The following RBKS variants were observed in gnomAD, a reference collection of about 807,000 sequenced individuals.
RBKS encodes the protein ribokinase.
Under a neutral mutation model 33.9 loss-of-function variants are expected in RBKS, and 33 were observed. That is an observed-to-expected ratio of 0.97 (90% CI 0.74 to 1.30). The LOEUF (loss-of-function observed/expected upper bound fraction) is 1.30. Ranked by LOEUF, RBKS falls within the 50% of genes most tolerant of loss-of-function variation. The pLI, the probability that RBKS is intolerant of heterozygous loss-of-function variation, is 0.00. For missense variants in RBKS, 361 were observed against 392.6 expected (o/e 0.92, Z 0.68); for synonymous variants, 125 against 143.0 (o/e 0.87, Z 0.90).
chr2:27,788,490 G>T (rs1317826183), intron 7 of RBKS, among the ~76,000 whole-genome samples: 1 of 152,152 alleles, frequency 6.6e-6, no homozygotes, highest in African/African-American at 2.4e-5. Flanking sequence ...TGGATAACAA[G>T]GTCAGGAGAT....
chr2:27,826,167 A>G (rs1346543680), intron 7 of RBKS, among the ~76,000 whole-genome samples: 1 of 152,248 alleles, frequency 6.6e-6, no homozygotes, highest in Non-Finnish European at 1.5e-5. Flanking sequence ...CATGTCACAT[A>G]ACCATTTCTT....
At chr2:27,819,352 T>C (rs1165248981) in intron 7 of RBKS, among the ~76,000 whole-genome samples, 4 of 152,140 alleles carry the variant, frequency 2.6e-5, no homozygotes, top group African/African-American at 9.7e-5. Flanking sequence ...CTACCCCTTA[T>C]GACCTCATTT....
Position 27,832,758 on chromosome 2 carries a change from T to A in RBKS, c.534A>T (p.Pro178=). 1 of 1,612,118 alleles carries A rather than the reference T, an allele frequency of 6.2e-7. No homozygotes were observed. The highest frequency in any genetic ancestry group is 8.5e-7 in the Non-Finnish European group (1 of 1,178,146). Residue 178 remains proline, a synonymous_variant, in exon 6 of 8, where the codon CCA becomes CCT. Transcript: ENST00000302188. Reference sequence around the variant, plus strand: ...GATCCAGGTCAGCAATGGCAGGGGCTGGATTGAACAAGGTTTTCACTACAA... The same window carrying A: ...GATCCAGGTCAGCAATGGCAGGGGCAGGATTGAACAAGGTTTTCACTACAA... ...RRSGVKTLFN[P]APAIADLDPQ...
chr2:27,794,232 G>C (rs1310864653), intron 7 of RBKS, among the ~76,000 whole-genome samples: 1 of 151,014 alleles, frequency 6.6e-6, no homozygotes, highest in Non-Finnish European at 1.5e-5. Context: ...GGGAGGTGGA[G>C]GTTGTGGTGA....
chr2:27,815,694 C>G (rs1678078279), intron 7 of RBKS, among the ~76,000 whole-genome samples: 1 of 152,132 alleles, frequency 6.6e-6, no homozygotes, highest in Non-Finnish European at 1.5e-5. Context: ...GTCTTAGAAG[C>G]TTAAGGAGGG....
chr2:27,813,216 G>A (rs1485673551), intron 7 of RBKS, among the ~76,000 whole-genome samples: 1 of 152,094 alleles, frequency 6.6e-6, no homozygotes, highest in Admixed American at 6.6e-5. Context: ...CACAGATCAA[G>A]TACCACTGAA....
chr2:27,785,428 T>C (rs1411856584), intron 7 of RBKS, among the ~76,000 whole-genome samples: 2 of 152,114 alleles, frequency 1.3e-5, no homozygotes, highest in East Asian at 1.9e-4. Context: ...GAAATGTATA[T>C]GGTAGGTAAT....
At chr2:27,790,423 A>G (rs1163121231) in intron 7 of RBKS, among the ~76,000 whole-genome samples, 1 of 152,228 alleles carries the variant, frequency 6.6e-6, no homozygotes, top group Non-Finnish European at 1.5e-5. Flanking sequence ...CAAAAGCACA[A>G]AGATTAAAAA....
At chr2:27,849,934 C>T in intron 2 of RBKS, among the ~76,000 whole-genome samples, 1 of 152,220 alleles carries the variant, frequency 6.6e-6, no homozygotes, top group East Asian at 1.9e-4. Context: ...CATCTCCCTA[C>T]TGTCCGTTTC....
Position 27,789,929 on chromosome 2 carries a change from A to G in RBKS, c.796-8141T>C, listed in dbSNP as rs527351179. On this transcript the variant is annotated intron_variant, in intron 7 of 7. Coordinates refer to ENST00000302188, the MANE Select transcript of RBKS (RefSeq NM_022128.3). ...TGTGTGTGTGTGTTTGTGTGTGTAT[A>G]TATATATATATGTATATGTGTATAT... 8.7e-3 allele frequency among the ~76,000 whole-genome samples: 1,176 copies of G among 135,046 alleles called. 19 individuals are homozygous for G. The highest frequency in any genetic ancestry group is 0.063 in the South Asian group (280 of 4,452). The allele number at this position is 135,046 out of a possible 152,430, so 88.6% of individuals were successfully genotyped here. A position where few individuals can be genotyped will look rare whatever the true frequency, so the allele number is the denominator to read the frequency against.
intron 1 of RBKS, among the ~76,000 whole-genome samples, chr2:27,864,745 C>CA (rs1664055266): frequency 6.6e-6 from 1 of 152,132 alleles, no homozygotes; most frequent in Non-Finnish European, 1.5e-5. Context: ...CAGTCCCCCA[C>CA]AAGGTTACAT....
At chr2:27,866,122 A>C (rs188289174) in intron 1 of RBKS, among the ~76,000 whole-genome samples, 3 of 152,176 alleles carry the variant, frequency 2.0e-5, no homozygotes, top group Admixed American at 2.0e-4. Flanking sequence ...TCTGGTGATA[A>C]ATTCTTTTAT....
intron 1 of RBKS, among the ~76,000 whole-genome samples, chr2:27,867,392 T>C (rs1664122733): frequency 6.6e-6 from 1 of 152,202 alleles, no homozygotes; most frequent in South Asian, 2.1e-4. Flanking sequence ...AAAAGTGCTA[T>C]GTATGACAGA....
At chr2:27,836,902 C>T (rs1375157927) in intron 5 of RBKS, among the ~76,000 whole-genome samples, 1 of 152,152 alleles carries the variant, frequency 6.6e-6, no homozygotes, top group African/African-American at 2.4e-5. Flanking sequence ...AACTACTCAT[C>T]GTTTCACTCA....
intron 4 of RBKS, 89 bp from the exon 5 acceptor site, chr2:27,843,320 A>C (rs1663554632): frequency 4.1e-6 from 4 of 966,894 alleles, no homozygotes. Flanking sequence ...CGCCCTTGTA[A>C]AGTCATTATA....
chr2:27,847,176 T>C, intron 3 of RBKS, 72 bp from the exon 4 acceptor site: 1 of 875,608 alleles, frequency 1.1e-6, no homozygotes, highest in Non-Finnish European at 1.9e-6. Flanking sequence ...ACAATTTCAA[T>C]ACAACACTAA....
intron 7 of RBKS, among the ~76,000 whole-genome samples, chr2:27,784,993 A>G (rs887085479): frequency 2.0e-5 from 3 of 152,200 alleles, no homozygotes; most frequent in Non-Finnish European, 4.4e-5. Context: ...GAAAACATGG[A>G]AAATGCCACA....
chr2:27,879,208 G>A (rs1369927694), intron 1 of RBKS, among the ~76,000 whole-genome samples: 1 of 152,002 alleles, frequency 6.6e-6, no homozygotes, highest in Non-Finnish European at 1.5e-5. Context: ...CTGTTCTCTC[G>A]CATAACCTGC....
intron 7 of RBKS, among the ~76,000 whole-genome samples, chr2:27,811,721 T>G (rs2148194329): frequency 6.6e-6 from 1 of 152,312 alleles, no homozygotes; most frequent in East Asian, 1.9e-4. Flanking sequence ...AATAAGATTT[T>G]CCCAGAGTCC....
Sources: gnomAD v4.1 joint callset for allele counts (sites outside exome capture counted in the v4.1 genomes callset) on GRCh38, gnomAD v4.1.1 for gene constraint, MANE v1.5 for transcripts, NCBI Gene and HGNC (gene_info 2026-07-23, HGNC 2026-07-21) for gene names.